Variants in YEATS2 observed in about 807,000 individuals in gnomAD.
YEATS2 encodes YEATS domain-containing protein 2.
Under a neutral mutation model 163.2 loss-of-function variants are expected in YEATS2, and 77 were observed. The ratio of observed to expected loss-of-function variants is 0.47; its 90% CI spans 0.39 to 0.57. The LOEUF is 0.57. Ranked by LOEUF, YEATS2 falls within the 20% of genes least tolerant of loss-of-function variation. YEATS2 has a pLI of 0.00. For missense variants in YEATS2, 1,549 were observed against 1,729.8 expected, an observed-to-expected ratio of 0.90 and a Z score of 1.85; for synonymous variants, 631 against 645.1, an observed-to-expected ratio of 0.98 and a Z score of 0.33.
At chr3:183,743,421 C>T (rs1419729148) in intron 8 of YEATS2, among the ~76,000 whole-genome samples, 1 of 152,016 alleles carries the variant, frequency 6.6e-6, no homozygotes, top group Non-Finnish European at 1.5e-5. Flanking sequence ...CTCACTGCAT[C>T]CTTGACCTCC....
Position 183,808,032 on chromosome 3 carries a change from TG to T in YEATS2, c.4017del (p.Ile1340SerfsTer20). 2 of 1,559,950 alleles carry T rather than the reference TG, an allele frequency of 1.3e-6. No homozygotes were observed. Among genetic ancestry groups the T allele is most frequent in the Non-Finnish European group, 8.7e-7 (1 of 1,151,206 alleles). ...ACGGCTTTCTTCTGCTTTTCCAGAT[TG>T]GGATCACCCTGCAGCCCGTGGCACT... ...EFIGDVTQKI[G>X]ITLQPVALHR... On this transcript the variant is annotated frameshift_variant, in exon 29 of 31. Transcript: ENST00000305135. LOFTEE classifies it high-confidence loss of function.
intron 15 of YEATS2, among the ~76,000 whole-genome samples, chr3:183,764,183 G>C (rs1005821446): frequency 4.6e-5 from 7 of 151,984 alleles, no homozygotes; most frequent in African/African-American, 1.7e-4. Context: ...GACCAGCCTG[G>C]TCAACTTGGT....
At chr3:183,732,310 A>G (rs921780212) in intron 7 of YEATS2, among the ~76,000 whole-genome samples, 4 of 151,522 alleles carry the variant, frequency 2.6e-5, no homozygotes, top group South Asian at 4.2e-4. Context: ...AAAATTAGCC[A>G]TGCCCGGTGG....
At chr3:183,809,206 A>G (rs1304285116) in intron 30 of YEATS2, 36 bp downstream of exon 30, 5 of 1,603,292 alleles carry the variant, frequency 3.1e-6, no homozygotes, top group Non-Finnish European at 3.4e-6. Context: ...TGTGAGGCTT[A>G]CACCTCTTTC....
intron 21 of YEATS2, chr3:183,793,445 C>A: frequency 2.0e-6 from 2 of 993,384 alleles, no homozygotes; most frequent in Non-Finnish European, 2.4e-6. Flanking sequence ...GTGTTGGATA[C>A]TGGAGTAGAA....
At chr3:183,797,180 A>G (rs1725229207) in intron 21 of YEATS2, among the ~76,000 whole-genome samples, 1 of 151,606 alleles carries the variant, frequency 6.6e-6, no homozygotes, top group African/African-American at 2.4e-5. Context: ...TAGGCAGGAG[A>G]ATCGCTTGAA....
chr3:183,795,188 A>G (rs1425635949), intron 21 of YEATS2, among the ~76,000 whole-genome samples: 12 of 141,818 alleles, frequency 8.5e-5, no homozygotes, highest in African/African-American at 3.7e-4. Context: ...AAAAAAAGAA[A>G]AAGAAAAAAA....
At chr3:183,760,063 A>G (rs987578706) in intron 13 of YEATS2, among the ~76,000 whole-genome samples, 11 of 152,120 alleles carry the variant, frequency 7.2e-5, no homozygotes, top group Non-Finnish European at 1.3e-4. Context: ...TTTAGACACT[A>G]ATGATGATAT....
chr3:183,759,581 A>T (rs1721132125), intron 13 of YEATS2, among the ~76,000 whole-genome samples: 1 of 152,210 alleles, frequency 6.6e-6, no homozygotes, highest in African/African-American at 2.4e-5. Context: ...AAATTTAAAA[A>T]TATAAAAACA....
At chr3:183,756,318 T>C (rs1720760586) in intron 11 of YEATS2, among the ~76,000 whole-genome samples, 1 of 152,180 alleles carries the variant, frequency 6.6e-6, no homozygotes, top group Admixed American at 6.5e-5. Flanking sequence ...TGTTGATCCA[T>C]GGATAAGGAT....
intron 15 of YEATS2, among the ~76,000 whole-genome samples, chr3:183,764,431 A>C (rs1055991523): frequency 1.3e-5 from 2 of 151,462 alleles, no homozygotes; most frequent in Non-Finnish European, 2.9e-5. Flanking sequence ...AACCCAGCCT[A>C]CCTATCTAAG....
chr3:183,781,905 A>G (rs990020206), intron 19 of YEATS2, among the ~76,000 whole-genome samples: 2 of 151,726 alleles, frequency 1.3e-5, no homozygotes, highest in African/African-American at 4.9e-5. Flanking sequence ...CCTGTCTTAA[A>G]AAAAAAAAAA....
At chr3:183,784,890 A>G (rs1723910191) in intron 19 of YEATS2, among the ~76,000 whole-genome samples, 1 of 151,896 alleles carries the variant, frequency 6.6e-6, no homozygotes, top group African/African-American at 2.4e-5. Context: ...CCTGGCCAAC[A>G]TGGAGAAACC....
chr3:183,722,390 G>A lies in YEATS2; in HGVS notation c.537+254G>A, dbSNP rs924520416. On this transcript the variant is annotated intron_variant, in intron 5 of 30. Coordinates refer to ENST00000305135, the MANE Select transcript of YEATS2 (RefSeq NM_018023.5). ...TGCAACCTCCGCCTCCCGGGTTCACGCCATTCTCCTGCTTCAGCCTCCTGA... is the reference window on the plus strand; with the variant it reads ...TGCAACCTCCGCCTCCCGGGTTCACACCATTCTCCTGCTTCAGCCTCCTGA... Among the ~76,000 whole-genome samples, 6 of 145,952 alleles carry A rather than the reference G, an allele frequency of 4.1e-5. No homozygotes were observed. The East Asian group carries it at 1.0e-3, about 24-fold the overall frequency.
chr3:183,785,659 AAAAAT>A (rs1251473744), intron 19 of YEATS2, among the ~76,000 whole-genome samples: 6 of 152,152 alleles, frequency 3.9e-5, no homozygotes, highest in Non-Finnish European at 7.3e-5. Context: ...CTGTCTCTAA[AAAAAT>A]AAAATAAAAT....
Position 183,809,190 on chromosome 3 carries a change from C to G in YEATS2, c.4160+20C>G, listed in dbSNP as rs371559992. ...CAACAGGTATTACTATCTCTGCAGT[C>G]TGTGGTGTGAGGCTTACACCTCTTT... is the stretch of plus-strand genomic sequence containing the variant. On this transcript the variant is annotated intron_variant, in intron 30 of 30. Transcript: ENST00000305135. 6.2e-7 allele frequency: 1 copy of G among 1,612,922 alleles called. No individual in the cohort carries two copies. Among genetic ancestry groups the G allele is most frequent in the East Asian group, 2.2e-5 (1 of 44,870 alleles).
Position 183,772,514 on chromosome 3 carries a change from GGCCCAGGTTACT to G in YEATS2, c.2161_2172del (p.Gln721_Ala724del), listed in dbSNP as rs1342476523. 1.2e-6 allele frequency: 2 copies of G among 1,614,130 alleles called. No homozygotes were observed. The highest frequency in any genetic ancestry group is 1.7e-5 in the Admixed American group (1 of 60,014). On this transcript the variant is annotated inframe_deletion, in exon 16 of 31. Transcript: ENST00000305135. ...CTCAGCCAGTGCAGACCTTAACCAA[GGCCCAGGTTACT>G]GCCGCTGGTCCTCAGAAGAGTGGAT...
intron 1 of YEATS2, among the ~76,000 whole-genome samples, chr3:183,705,611 C>T (rs1714539957): frequency 1.3e-5 from 2 of 152,004 alleles, no homozygotes; most frequent in South Asian, 4.1e-4. Context: ...TAACTTTGTA[C>T]ATTCTTTTAA....
chr3:183,744,372 C>T (rs1037397167), intron 8 of YEATS2, among the ~76,000 whole-genome samples: 4 of 152,032 alleles, frequency 2.6e-5, no homozygotes, highest in Admixed American at 2.0e-4. Flanking sequence ...CCACCTTGGC[C>T]TCCCAAAGTG....
Sources: allele counts gnomAD v4.1 joint callset (sites outside exome capture counted in the v4.1 genomes callset), GRCh38; gene constraint gnomAD v4.1.1; transcripts MANE v1.5; gene names NCBI Gene and HGNC (gene_info 2026-07-23, HGNC 2026-07-21).